Variants in OXR1 observed in about 807,000 individuals in gnomAD.
OXR1 encodes the protein oxidation resistance protein 1.
In OXR1, 41 loss-of-function variants were observed where a neutral mutation model predicts 104.6. The ratio of observed to expected loss-of-function variants is 0.39; its 90% CI spans 0.31 to 0.51. The LOEUF is 0.51. Among genes scored for constraint, OXR1 ranks in the 20% least tolerant of loss-of-function variants. The pLI, the probability that OXR1 is intolerant of heterozygous loss-of-function variation, is 0.77. For missense variants in OXR1, 955 were observed against 1,031.9 expected (o/e 0.93, Z 1.02); for synonymous variants, 348 against 348.4 (o/e 1.00, Z 0.01).
intron 10 of OXR1, among the ~76,000 whole-genome samples, chr8:106,711,054 G>C (rs1306737162): frequency 6.6e-6 from 1 of 152,098 alleles, no homozygotes; most frequent in Non-Finnish European, 1.5e-5. Context: ...GGAGCAAGAA[G>C]ATTCATCAAA....
At chr8:106,547,080 C>T (rs1461397753) in intron 3 of OXR1, among the ~76,000 whole-genome samples, 1 of 151,758 alleles carries the variant, frequency 6.6e-6, no homozygotes, top group African/African-American at 2.4e-5. Flanking sequence ...TAGTAGAGAC[C>T]GGGTTTCACC....
chr8:106,701,685 T>C (rs951588752), intron 7 of OXR1, among the ~76,000 whole-genome samples: 5 of 152,224 alleles, frequency 3.3e-5, no homozygotes, highest in Admixed American at 6.5e-5. Flanking sequence ...GAATTATATA[T>C]AGCATAAAGC....
chr8:106,655,044 C>T (rs115539520), intron 3 of OXR1, among the ~76,000 whole-genome samples: 2,624 of 152,116 alleles, frequency 0.017, 54 homozygotes, highest in African/African-American at 0.059. Flanking sequence ...GTGAAAGAAG[C>T]CAGACCCCAA....
intron 3 of OXR1, among the ~76,000 whole-genome samples, chr8:106,658,943 C>G (rs1825464078): frequency 6.6e-6 from 1 of 152,088 alleles, no homozygotes; most frequent in South Asian, 2.1e-4. Context: ...GTGTCCTTGG[C>G]TTCGTTTAAC....
intron 3 of OXR1, among the ~76,000 whole-genome samples, chr8:106,652,882 G>A (rs549385983): frequency 9.3e-5 from 14 of 151,088 alleles, no homozygotes; most frequent in Non-Finnish European, 1.8e-4. Context: ...GATTTAGATC[G>A]AGCAAGAAAA....
At chr8:106,427,807 G>T (rs1819195107) in intron 2 of OXR1, among the ~76,000 whole-genome samples, 1 of 152,152 alleles carries the variant, frequency 6.6e-6, no homozygotes, top group Non-Finnish European at 1.5e-5. Flanking sequence ...AGAATAAACA[G>T]TCGGACACCT....
chr8:106,296,941 G>T (rs1813024151), intron 1 of OXR1, among the ~76,000 whole-genome samples: 1 of 152,182 alleles, frequency 6.6e-6, no homozygotes, highest in Non-Finnish European at 1.5e-5. Flanking sequence ...CCTTGAAAAA[G>T]TTAGTCTTCA....
chr8:106,470,946 T>A (rs1821457998), intron 2 of OXR1, among the ~76,000 whole-genome samples: 1 of 151,732 alleles, frequency 6.6e-6, no homozygotes, highest in Non-Finnish European at 1.5e-5. Flanking sequence ...ATTGCTGACC[T>A]TGATGTGGGC....
At chr8:106,700,684 A>G (rs548366936) in intron 7 of OXR1, among the ~76,000 whole-genome samples, 7 of 152,318 alleles carry the variant, frequency 4.6e-5, no homozygotes, top group Admixed American at 3.3e-4. Context: ...AGAGAATTAA[A>G]AGCATTATCA....
intron 16 of OXR1, among the ~76,000 whole-genome samples, chr8:106,748,439 C>G (rs1019941606): frequency 6.6e-6 from 1 of 151,602 alleles, no homozygotes; most frequent in Non-Finnish European, 1.5e-5. Flanking sequence ...TATCCCATTA[C>G]AGTTTTTTTG....
At chr8:106,323,568 A>G (rs1814323848) in intron 1 of OXR1, among the ~76,000 whole-genome samples, 1 of 152,208 alleles carries the variant, frequency 6.6e-6, no homozygotes, top group Admixed American at 6.5e-5. Flanking sequence ...AACAGAGTAA[A>G]CAACAACCTG....
chr8:106,679,402 A>G, intron 4 of OXR1, 110 bp downstream of exon 4: 1 of 485,930 alleles, frequency 2.1e-6, no homozygotes. Flanking sequence ...CTTATTTTTA[A>G]AAATCTGTAT....
At chr8:106,294,021 A>AT (rs1163903522) in intron 1 of OXR1, among the ~76,000 whole-genome samples, 10 of 139,428 alleles carry the variant, frequency 7.2e-5, no homozygotes, top group East Asian at 6.2e-4. Context: ...TGAGGAAAAC[A>AT]TTTTTTTTTA....
chr8:106,473,191 T>C (rs1048772355), intron 2 of OXR1, among the ~76,000 whole-genome samples: 6 of 151,898 alleles, frequency 4.0e-5, no homozygotes, highest in Non-Finnish European at 8.8e-5. Context: ...CAAGTGTTTT[T>C]TTCAGCTCTA....
Position 106,361,077 on chromosome 8 carries a change from C to T in OXR1, c.23+1441C>T, listed in dbSNP as rs568706382. Among the ~76,000 whole-genome samples, 34 of 152,284 alleles carry T rather than the reference C, an allele frequency of 2.2e-4. No homozygotes were observed. In the South Asian group the frequency reaches 6.8e-3, roughly 31 times the overall value. On this transcript the variant is annotated intron_variant, in intron 2 of 16. Transcript: ENST00000517566. ...ATGTGATATGAGGATATGATTGTTG[C>T]TCCAAAACACAGTGAACTCCGCAAA...
chr8:106,726,213 T>C, intron 11 of OXR1: 1 of 1,513,948 alleles, frequency 6.6e-7, no homozygotes, highest in Middle Eastern at 1.7e-4. Context: ...CTTACGTGAT[T>C]TTATGTAACT....
intron 3 of OXR1, among the ~76,000 whole-genome samples, chr8:106,548,937 G>T (rs1815584604): frequency 6.6e-6 from 1 of 152,160 alleles, no homozygotes; most frequent in African/African-American, 2.4e-5. Context: ...TCCAATCACA[G>T]AATCTTTCCC....
At chr8:106,667,059 A>G (rs770399906) in intron 3 of OXR1, among the ~76,000 whole-genome samples, 17 of 152,214 alleles carry the variant, frequency 1.1e-4, no homozygotes, top group Non-Finnish European at 2.1e-4. Flanking sequence ...TATACAAGGC[A>G]GATATAAAAC....
intron 1 of OXR1, among the ~76,000 whole-genome samples, chr8:106,357,015 T>C (rs1412511879): frequency 6.6e-6 from 1 of 152,092 alleles, no homozygotes; most frequent in East Asian, 1.9e-4. Flanking sequence ...TTTTGCTCGT[T>C]GATTGTTTTT....
Sources: allele counts gnomAD v4.1 joint callset (sites outside exome capture counted in the v4.1 genomes callset), GRCh38; gene constraint gnomAD v4.1.1; transcripts MANE v1.5; gene names NCBI Gene and HGNC (gene_info 2026-07-23, HGNC 2026-07-21).